CLASP2: variants seen among roughly 807,000 people sequenced by gnomAD.
CLASP2 encodes the protein CLIP-associating protein 2.
A neutral mutation model predicts 194.4 loss-of-function variants in CLASP2; 47 were observed. That is an observed-to-expected ratio of 0.24 (90% CI 0.19 to 0.31). The LOEUF is 0.31. Ranked by LOEUF, CLASP2 falls within the 10% of genes least tolerant of loss-of-function variation. CLASP2 has a pLI of 1.00. For synonymous variants in CLASP2, 619 were observed against 633.5 expected (o/e 0.98, Z 0.34); for missense variants, 1,445 against 1,823.6 (o/e 0.79, Z 3.78).
At chr3:33,534,057 T>C (rs1322826506) in intron 34 of CLASP2, among the ~76,000 whole-genome samples, 2 of 152,070 alleles carry the variant, frequency 1.3e-5, no homozygotes, top group Admixed American at 6.6e-5. Flanking sequence ...AAAAGAATTA[T>C]TTATGGGCAT....
intron 18 of CLASP2, among the ~76,000 whole-genome samples, chr3:33,598,730 C>A (rs1489915727): frequency 6.6e-6 from 1 of 152,190 alleles, no homozygotes; most frequent in Non-Finnish European, 1.5e-5. Flanking sequence ...TCTATATCAA[C>A]CAACTAAAAT....
intron 26 of CLASP2, among the ~76,000 whole-genome samples, chr3:33,568,459 C>T (rs1022720524): frequency 6.7e-6 from 1 of 149,494 alleles, no homozygotes; most frequent in African/African-American, 2.5e-5. Context: ...AAGGCTGAGG[C>T]ATGAGAATCG....
chr3:33,667,682 T>C (rs2086445492), intron 6 of CLASP2, among the ~76,000 whole-genome samples: 1 of 151,906 alleles, frequency 6.6e-6, no homozygotes, highest in Admixed American at 6.6e-5. Flanking sequence ...TGAGGAAGAG[T>C]TGCAACTTCA....
chr3:33,634,566 G>A (rs2079752627), intron 8 of CLASP2, among the ~76,000 whole-genome samples: 1 of 152,122 alleles, frequency 6.6e-6, no homozygotes, highest in Non-Finnish European at 1.5e-5. Context: ...GACCAACGAA[G>A]GATATAGAAT....
At chr3:33,631,075 T>A (rs1354557766) in intron 9 of CLASP2, among the ~76,000 whole-genome samples, 1 of 152,212 alleles carries the variant, frequency 6.6e-6, no homozygotes, top group Non-Finnish European at 1.5e-5. Flanking sequence ...TAAGGACAAT[T>A]TTCCTTTCAG....
At chr3:33,514,654 C>T in intron 36 of CLASP2, 1 of 328,128 alleles carries the variant, frequency 3.0e-6, no homozygotes, top group Non-Finnish European at 6.4e-6. Flanking sequence ...CCATTTGATC[C>T]AGCAATCCCA....
chr3:33,516,370 T>C (rs989302397), intron 35 of CLASP2, among the ~76,000 whole-genome samples: 4 of 152,162 alleles, frequency 2.6e-5, no homozygotes, highest in Admixed American at 2.6e-4. Flanking sequence ...ATTCAGACTA[T>C]AAAAAGAAGT....
intron 25 of CLASP2, among the ~76,000 whole-genome samples, chr3:33,572,831 AATT>A (rs1394468067): frequency 1.3e-5 from 2 of 151,904 alleles, no homozygotes; most frequent in Non-Finnish European, 2.9e-5. Context: ...TAAATATTAA[AATT>A]AATAACATTT....
At position 33,607,409 on chromosome 3, in the gene CLASP2, C is replaced by T. The variant is rs1013537237; in HGVS notation, c.1501G>A (p.Ala501Thr). 3.7e-6 allele frequency: 6 copies of T among 1,610,590 alleles called. No homozygotes were observed. The highest frequency in any genetic ancestry group is 1.1e-5 in the South Asian group (1 of 90,330). The change falls in exon 15 of 39, where the codon GCT (alanine) becomes ACT (threonine). Residue 501 changes from alanine to threonine, a missense_variant. Transcript: ENST00000682230. ...TTTCTTGCCTCCACTCTGGCCTCAGCGTCAGCATCATGAATTCCCTTTTTA... is the reference window on the plus strand; with the variant it reads ...TTTCTTGCCTCCACTCTGGCCTCAGTGTCAGCATCATGAATTCCCTTTTTA... ...TIKKGIHDAD[A>T]EARVEARKTY...
At chr3:33,714,506 A>G (rs1022868207) in intron 1 of CLASP2, among the ~76,000 whole-genome samples, 1 of 152,052 alleles carries the variant, frequency 6.6e-6, no homozygotes, top group African/African-American at 2.4e-5. Flanking sequence ...AATCTAACCT[A>G]CTGCTCAATC....
rs57110098 is a variant in CLASP2, at chr3:33,581,963, G to A, written c.2240-35C>T. The A allele has an allele frequency of 0.011, 15,628 of 1,433,444 alleles. 1,230 individuals carry two copies. In the African/African-American group the frequency reaches 0.18, roughly 17 times the overall value. 88.8% of individuals were successfully genotyped at this position (1,433,444 alleles called of 1,614,324 possible). ...AGCAACAGCAGCACACACAGTAAGGGAGAAAACAGAACAGAGTTTGCATTT... is the reference window on the plus strand; with the variant it reads ...AGCAACAGCAGCACACACAGTAAGGAAGAAAACAGAACAGAGTTTGCATTT... On this transcript the variant is annotated intron_variant, in intron 22 of 38. Coordinates refer to ENST00000682230, the MANE Select transcript of CLASP2 (RefSeq NM_001365631.1).
intron 7 of CLASP2, 165 bp from the exon 8 acceptor site, chr3:33,645,068 A>G (rs1430788974): frequency 2.8e-6 from 2 of 708,342 alleles, no homozygotes. Context: ...GGCTAACACC[A>G]TATAAAATAA....
intron 18 of CLASP2, among the ~76,000 whole-genome samples, chr3:33,600,335 G>A (rs1464954759): frequency 6.6e-6 from 1 of 152,140 alleles, no homozygotes; most frequent in East Asian, 1.9e-4. Context: ...CGTCAGGTAG[G>A]ATGTTAGCTG....
intron 6 of CLASP2, among the ~76,000 whole-genome samples, chr3:33,667,476 A>G (rs1339400398): frequency 6.8e-6 from 1 of 148,098 alleles, no homozygotes; most frequent in Non-Finnish European, 1.5e-5. Flanking sequence ...GTTTTCTTTT[A>G]CTTTCTTGAT....
chr3:33,575,822 A>G (rs1013484270), intron 24 of CLASP2, among the ~76,000 whole-genome samples: 3 of 152,190 alleles, frequency 2.0e-5, no homozygotes, highest in African/African-American at 7.2e-5. Context: ...AATAATTCCT[A>G]AATACCAAAG....
chr3:33,606,376 A>C (rs1188276592), intron 16 of CLASP2, among the ~76,000 whole-genome samples: 1 of 152,226 alleles, frequency 6.6e-6, no homozygotes, highest in Non-Finnish European at 1.5e-5. Flanking sequence ...TTGAAGCAAA[A>C]TATGAATCAT....
intron 34 of CLASP2, among the ~76,000 whole-genome samples, chr3:33,529,984 C>CAAA (rs1169927619): frequency 0.013 from 411 of 32,192 alleles, 76 homozygotes; most frequent in South Asian, 0.024. Flanking sequence ...GACTCCGTCT[C>CAAA]AAAAAAAAAA....
chr3:33,667,403 T>C (rs1575428720), intron 6 of CLASP2, among the ~76,000 whole-genome samples: 1 of 46,874 alleles, frequency 2.1e-5, no homozygotes, highest in African/African-American at 2.5e-4. Context: ...AGTGAGACTA[T>C]CTCAAAAAAA....
At chr3:33,525,292 TTA>T (rs2054223064) in intron 34 of CLASP2, among the ~76,000 whole-genome samples, 1 of 151,386 alleles carries the variant, frequency 6.6e-6, no homozygotes, top group Admixed American at 6.6e-5. Context: ...TATAAATGTG[TTA>T]ACTTAAAAAT....
Sources: allele counts gnomAD v4.1 joint callset (sites outside exome capture counted in the v4.1 genomes callset), GRCh38; gene constraint gnomAD v4.1.1; transcripts MANE v1.5; gene names NCBI Gene and HGNC (gene_info 2026-07-23, HGNC 2026-07-21).